The following WDR6 variants were observed in gnomAD, a reference collection of about 807,000 sequenced individuals.
WDR6 encodes WD repeat domain 6.
Under a neutral mutation model 85.6 loss-of-function variants are expected in WDR6, and 58 were observed. That is an observed-to-expected ratio of 0.68 (90% confidence interval 0.55 to 0.84). The LOEUF is 0.84. WDR6 is among the 40% of genes least tolerant of loss of function. WDR6 has a pLI of 0.00. For missense variants in WDR6, 1,310 were observed against 1,476.4 expected (o/e 0.89, Z 1.85); for synonymous variants, 569 against 582.2 (o/e 0.98, Z 0.33).
rs758333150 is a variant in WDR6 at position 49,012,089 on chromosome 3, G to A, written c.555G>A (p.Leu185=). 6.2e-7 allele frequency: 1 copy of A among 1,613,816 alleles called. No homozygotes were observed. The highest frequency in any genetic ancestry group is 1.1e-5 in the South Asian group (1 of 91,082). Residue 185 remains leucine (L), a synonymous_variant, in exon 2 of 6, where the codon TTG becomes TTA. Coordinates refer to ENST00000608424, the MANE Select transcript of WDR6 (RefSeq NM_018031.6). This position sits in a 1 kb window ranked among gnomAD's most constrained non-coding sequence, Gnocchi z 4.4. ...IVAGAVSNQL[L]VWYPATALAD... ...CAGGTGCTGTTTCCAACCAGCTCTT[G>A]GTCTGGTACCCAGCAACTGCCTTAG...
Position 49,012,171 on chromosome 3 carries a change from T to A in WDR6, c.637T>A (p.Phe213Ile). The A allele has an allele frequency of 6.2e-7, 1 of 1,614,240 alleles. No individual in the cohort carries two copies. Among genetic ancestry groups the A allele is most frequent in the Non-Finnish European group, 8.5e-7 (1 of 1,180,042 alleles). The change falls in exon 2 of 6, where the codon TTC (phenylalanine) becomes ATC (isoleucine). Residue 213 changes from phenylalanine (F) to isoleucine (I), a missense_variant. Coordinates refer to ENST00000608424, the MANE Select transcript of WDR6 (RefSeq NM_018031.6). The surrounding 1 kb of genome is among the most constrained non-coding windows in gnomAD (Gnocchi z 4.4). ...RRISGHVGII[F>I]SMSYLESKGL... Reference sequence around the variant, plus strand: ...AATCAGTGGGCATGTGGGCATCATCTTCAGCATGTCATACCTGGAAAGCAA... The same window carrying A: ...AATCAGTGGGCATGTGGGCATCATCATCAGCATGTCATACCTGGAAAGCAA...
At chr3:49,011,355 A>G (rs2093013440) in intron 1 of WDR6, 3 of 1,068,776 alleles carry the variant, frequency 2.8e-6, no homozygotes, top group Non-Finnish European at 3.8e-6. Context: ...CTAGGATTAC[A>G]GGCGTGAGCC....
rs370018052 is a variant in WDR6 at position 49,015,298 on chromosome 3, C to T, written c.*10C>T. ...CAACTGGTATGACTGAGGTATCCTG[C>T]GGTGGCTGGCGTGCTGGGCATGGGG... On this transcript the variant is annotated 3_prime_UTR_variant, in exon 6 of 6. Coordinates refer to ENST00000608424, the MANE Select transcript of WDR6 (RefSeq NM_018031.6). 1,340 of 1,604,242 alleles carry T rather than the reference C, an allele frequency of 8.4e-4. 2 individuals are homozygous for T. The highest frequency in any genetic ancestry group is 1.0e-3 in the Non-Finnish European group (1,201 of 1,178,620).
chr3:49,011,998 C>T lies in WDR6; in HGVS notation c.464C>T (p.Thr155Ile). Residue 155 changes from threonine (T) to isoleucine (I), a missense_variant, in exon 2 of 6, where the codon ACA becomes ATA. Transcript: ENST00000608424. ...TGCATCCTGCAAGAGGTGCCCTGCA[C>T]AGACAGGTGCACCCTCTCTTCAGCC... ...VGCILQEVPC[T>I]DRCTLSSACL... The T allele has an allele frequency of 6.2e-7, 1 of 1,614,220 alleles. No individual in the cohort carries two copies. The highest frequency in any genetic ancestry group is 8.5e-7 in the Non-Finnish European group (1 of 1,180,034).
In WDR6 at chr3:49,012,647, G is replaced by A; in HGVS notation, c.1113G>A (p.Leu371=). The A allele has an allele frequency of 6.2e-7, 1 of 1,614,088 alleles. No homozygotes were observed. The highest frequency in any genetic ancestry group is 8.5e-7 in the Non-Finnish European group (1 of 1,179,996). ...RLLAVTDTGA[L]YLYDVEVKCW... is the part of the protein sequence containing the mutation. Reference sequence around the variant, plus strand: ...TGGCAGTGACTGATACAGGGGCCCTGTATCTCTATGACGTCGAGGTCAAGT... The same window carrying A: ...TGGCAGTGACTGATACAGGGGCCCTATATCTCTATGACGTCGAGGTCAAGT... The change falls in exon 2 of 6, where the codon CTG becomes CTA. Residue 371 remains leucine, a synonymous_variant. Coordinates refer to ENST00000608424, the MANE Select transcript of WDR6 (RefSeq NM_018031.6). This position sits in a 1 kb window ranked among gnomAD's most constrained non-coding sequence, Gnocchi z 4.4.
Position 49,014,060 on chromosome 3 carries a change from G to C in WDR6, c.2526G>C (p.Glu842Asp), listed in dbSNP as rs1470585873. Residue 842 changes from glutamate to aspartate, a missense_variant, in exon 2 of 6, where the codon GAG becomes GAC. Physicochemically the swap from Glu to Asp is conservative, Grantham distance 45. Coordinates refer to ENST00000608424, the MANE Select transcript of WDR6 (RefSeq NM_018031.6). The surrounding 1 kb of genome is among the most constrained non-coding windows in gnomAD (Gnocchi z 4.9). ...ACCTTTCGTCCCACCGGCTAGATGA[G>C]TATTGGGACCGGCAACGCAATCGGC... is the stretch of plus-strand genomic sequence containing the variant. ...VMHLSSHRLD[E>D]YWDRQRNRHR... 8.1e-6 allele frequency: 13 copies of C among 1,613,144 alleles called. No homozygotes were observed. In the African/African-American group the frequency reaches 1.7e-4, roughly 21 times the overall value.
chr3:49,012,387 C>T lies in WDR6; in HGVS notation c.853C>T (p.His285Tyr). The part of the protein sequence containing the change: ...GEDCVCLVWS[H>Y]EGEILQAFRG... Reference sequence around the variant, plus strand: ...GGATTGTGTCTGCTTGGTGTGGAGCCATGAAGGTGAGATCCTCCAGGCCTT... The same window carrying T: ...GGATTGTGTCTGCTTGGTGTGGAGCTATGAAGGTGAGATCCTCCAGGCCTT... The change falls in exon 2 of 6, where the codon CAT (histidine) becomes TAT (tyrosine). Residue 285 changes from histidine to tyrosine, a missense_variant. By Grantham distance (83) the His-to-Tyr change is moderately conservative. Coordinates refer to ENST00000608424, the MANE Select transcript of WDR6 (RefSeq NM_018031.6). The surrounding 1 kb of genome is among the most constrained non-coding windows in gnomAD (Gnocchi z 4.4). 2 of 1,614,160 alleles carry T rather than the reference C, an allele frequency of 1.2e-6. No homozygotes were observed. The highest frequency in any genetic ancestry group is 1.7e-6 in the Non-Finnish European group (2 of 1,180,034).
In WDR6 at chr3:49,012,199, G is replaced by A. The variant is rs747631900; in HGVS notation, c.665G>A (p.Gly222Glu). The A allele has an allele frequency of 1.9e-6, 3 of 1,614,160 alleles. No individual in the cohort carries two copies. Among genetic ancestry groups the A allele is most frequent in the South Asian group, 1.1e-5 (1 of 91,092 alleles). Residue 222 changes from glycine to glutamate, a missense_variant, in exon 2 of 6, where the codon GGA becomes GAA. Physicochemically the swap from Gly to Glu is moderately conservative, Grantham distance 98. Coordinates refer to ENST00000608424, the MANE Select transcript of WDR6 (RefSeq NM_018031.6). This position sits in a 1 kb window ranked among gnomAD's most constrained non-coding sequence, Gnocchi z 4.4. ...AGCATGTCATACCTGGAAAGCAAGG[G>A]ATTGCTGGCTACAGCTTCAGAAGAC... ...IFSMSYLESK[G>E]LLATASEDRS... is the part of the protein sequence containing the mutation.
At chr3:49,011,564 TC>T in intron 1 of WDR6, 70 bp from the exon 2 acceptor site, 1 of 1,612,180 alleles carries the variant, frequency 6.2e-7, no homozygotes. Flanking sequence ...GTTTCCCTGA[TC>T]CCCATCTCTT....
rs559659777 is a variant in WDR6, at chr3:49,012,142, G to A, written c.608G>A (p.Arg203Gln). 1.9e-5 allele frequency: 31 copies of A among 1,614,136 alleles called. 1 individual carries two copies. The highest frequency in any genetic ancestry group is 1.1e-4 in the South Asian group (10 of 91,084). The stretch of plus-strand genomic sequence containing the variant: ...GACAACAAACCTGTAGCACCTGACC[G>A]ACGAATCAGTGGGCATGTGGGCATC... ...LADNKPVAPD[R>Q]RISGHVGIIF... The change falls in exon 2 of 6, where the codon CGA becomes CAA. Residue 203 changes from arginine (R) to glutamine (Q), a missense_variant. Transcript: ENST00000608424. This position sits in a 1 kb window ranked among gnomAD's most constrained non-coding sequence, Gnocchi z 4.4.
chr3:49,013,566 G>A lies in WDR6; in HGVS notation c.2032G>A (p.Asp678Asn). ...AMAFAYLKDG[D>N]VMLYRALGGC... ...GGCCTTTGCTTACCTCAAGGATGGGGATGTCATGCTGTACAGGGCTCTGGG... is the reference window on the plus strand; with the variant it reads ...GGCCTTTGCTTACCTCAAGGATGGGAATGTCATGCTGTACAGGGCTCTGGG... The change falls in exon 2 of 6, where the codon GAT (aspartate) becomes AAT (asparagine). Residue 678 changes from aspartate (D) to asparagine (N), a missense_variant. Transcript: ENST00000608424. This position sits in a 1 kb window ranked among gnomAD's most constrained non-coding sequence, Gnocchi z 4.6. The A allele has an allele frequency of 6.2e-7, 1 of 1,614,054 alleles. No homozygotes were observed. Among genetic ancestry groups the A allele is most frequent in the South Asian group, 1.1e-5 (1 of 91,090 alleles).
rs1281755814 is a variant in WDR6, at chr3:49,013,553, C to T, written c.2019C>T (p.Tyr673=). 2.0e-5 allele frequency: 33 copies of T among 1,613,908 alleles called. No homozygotes were observed. The highest frequency in any genetic ancestry group is 2.7e-5 in the Non-Finnish European group (32 of 1,180,024). Residue 673 remains tyrosine (Y), a synonymous_variant, in exon 2 of 6, where the codon TAC becomes TAT. Transcript: ENST00000608424. This position sits in a 1 kb window ranked among gnomAD's most constrained non-coding sequence, Gnocchi z 4.6. The part of the protein sequence containing the change: ...SDTEAAMAFA[Y]LKDGDVMLYR... ...CTGAGGCGGCCATGGCCTTTGCTTA[C>T]CTCAAGGATGGGGATGTCATGCTGT...
rs1258876601 is a variant in WDR6, at chr3:49,007,921, CT to C, written c.100+391del. On this transcript the variant is annotated intron_variant, in intron 1 of 5. Transcript: ENST00000608424. The surrounding 1 kb of genome is among the most constrained non-coding windows in gnomAD (Gnocchi z 5.1). ...CCTCTCCGAAGGAGACGGGGCCGAG[CT>C]GGGGGGGGCGGAGGGAGGAGGAGGA... The C allele has an allele frequency of 4.6e-5, 3 of 64,700 alleles. No individual in the cohort carries two copies. The highest frequency in any genetic ancestry group is 9.8e-5 in the Non-Finnish European group (3 of 30,594). 4.0% of individuals were successfully genotyped at this position (64,700 alleles called of 1,614,324 possible).
Position 49,014,718 on chromosome 3 carries a change from C to T in WDR6, c.2902C>T (p.Arg968Trp), listed in dbSNP as rs770690187. 6.2e-5 allele frequency: 100 copies of T among 1,612,928 alleles called. No homozygotes were observed. The highest frequency in any genetic ancestry group is 2.6e-4 in the South Asian group (24 of 91,072). ...TCCAGTGGATCCTGGGCTTCCCTAC[C>T]GTGAGTAGCTAATGTGCAACCATGG... ...EPPVDPGLPY[R>W]LGTPSLTLQA... The change falls in exon 5 of 6, where the codon CGG becomes TGG. Residue 968 changes from arginine to tryptophan, a missense_variant and splice_region_variant. By Grantham distance (101) the Arg-to-Trp change is moderately radical (BLOSUM62 -3). Transcript: ENST00000608424. The surrounding 1 kb of genome is among the most constrained non-coding windows in gnomAD (Gnocchi z 4.9).
chr3:49,007,542 G>A lies in WDR6; in HGVS notation c.100+11G>A, dbSNP rs766594123. ...ACCGGCTGTTGGCGGGTGAGGCTTG[G>A]CTTGAGGCACGCCTGGTGGAAAGGG... On this transcript the variant is annotated intron_variant, in intron 1 of 5. Coordinates refer to ENST00000608424, the MANE Select transcript of WDR6 (RefSeq NM_018031.6). The surrounding 1 kb of genome is among the most constrained non-coding windows in gnomAD (Gnocchi z 5.1). 5.1e-6 allele frequency: 8 copies of A among 1,583,590 alleles called. No homozygotes were observed. Among genetic ancestry groups the A allele is most frequent in the Non-Finnish European group, 6.9e-6 (8 of 1,157,572 alleles).
rs574596669 is a variant in WDR6, at chr3:49,010,805, G to A, written c.101-830G>A. On this transcript the variant is annotated intron_variant, in intron 1 of 5. Transcript: ENST00000608424. Reference sequence around the variant, plus strand: ...GTGGAACTTGCAGTGAGCTGAGATCGTGCCACTGCACTCCAGCCTGGGCTA... The same window carrying A: ...GTGGAACTTGCAGTGAGCTGAGATCATGCCACTGCACTCCAGCCTGGGCTA... Among the ~76,000 whole-genome samples the A allele has an allele frequency of 3.9e-4, 58 of 150,598 alleles. 2 individuals carry two copies. Among genetic ancestry groups the A allele is most frequent in the Admixed American group, 2.9e-3 (44 of 15,148 alleles).
chr3:49,013,102 G>C lies in WDR6; in HGVS notation c.1568G>C (p.Gly523Ala). 6.2e-7 allele frequency: 1 copy of C among 1,609,692 alleles called. No homozygotes were observed. The highest frequency in any genetic ancestry group is 1.1e-5 in the South Asian group (1 of 90,622). ...GSVLLFPSRPGLLKDPGVGGK... is the reference protein window; with the variant it reads ...GSVLLFPSRPALLKDPGVGGK... ...GTGCTGCTATTCCCCTCCAGACCAG[G>C]TCTGCTCAAGGACCCTGGGGTGGGA... The change falls in exon 2 of 6, where the codon GGT becomes GCT. Residue 523 changes from glycine (G) to alanine (A), a missense_variant. Gly to Ala is a moderately conservative substitution (Grantham distance 60). Transcript: ENST00000608424. This position sits in a 1 kb window ranked among gnomAD's most constrained non-coding sequence, Gnocchi z 4.6.
Position 49,012,911 on chromosome 3 carries a change from C to T in WDR6, c.1377C>T (p.Gly459=), listed in dbSNP as rs139860182. 4.0e-5 allele frequency: 64 copies of T among 1,613,642 alleles called. No individual in the cohort carries two copies. Among genetic ancestry groups the T allele is most frequent in the South Asian group, 2.7e-4 (25 of 91,078 alleles). ...EELLLLASGP[G]GVVACLEISA... is the part of the protein sequence containing the mutation. ...TCCTGTTGCTGGCATCGGGCCCTGG[C>T]GGGGTAGTAGCTTGCCTAGAGATCT... The change falls in exon 2 of 6, where the codon GGC becomes GGT. Residue 459 remains glycine (G), a synonymous_variant. Coordinates refer to ENST00000608424, the MANE Select transcript of WDR6 (RefSeq NM_018031.6). This position sits in a 1 kb window ranked among gnomAD's most constrained non-coding sequence, Gnocchi z 4.4.
chr3:49,015,845 T>C lies in WDR6; in HGVS notation c.*557T>C. 1 of 1,614,214 alleles carries C rather than the reference T, an allele frequency of 6.2e-7. No individual in the cohort carries two copies. The highest frequency in any genetic ancestry group is 8.5e-7 in the Non-Finnish European group (1 of 1,180,042). ...CGGTTGTAGTAGGAGCTGAAATCCA[T>C]GCTGAGCTGTACCAGGAACTTGCAT... is the stretch of plus-strand genomic sequence containing the variant. On this transcript the variant is annotated 3_prime_UTR_variant, in exon 6 of 6. Coordinates refer to ENST00000608424, the MANE Select transcript of WDR6 (RefSeq NM_018031.6).
Sources: allele counts gnomAD v4.1 joint callset (sites outside exome capture counted in the v4.1 genomes callset), GRCh38; gene constraint gnomAD v4.1.1; non-coding constraint Gnocchi (gnomAD v3.1); transcripts MANE v1.5; gene names NCBI Gene and HGNC (gene_info 2026-07-23, HGNC 2026-07-21).